REV3L: variants seen among roughly 807,000 people sequenced by gnomAD.
The protein encoded by REV3L is DNA polymerase zeta catalytic subunit.
A neutral mutation model predicts 299.4 loss-of-function variants in REV3L; 69 were observed. The ratio of observed to expected loss-of-function variants is 0.23; its 90% CI spans 0.19 to 0.28. REV3L has a LOEUF of 0.28. Among genes scored for constraint, REV3L ranks in the 10% least tolerant of loss-of-function variants. The pLI is 1.00. For synonymous variants in REV3L, 1,238 were observed against 1,271.4 expected, an observed-to-expected ratio of 0.97 and a Z score of 0.56; for missense variants, 3,128 against 3,693.8, an observed-to-expected ratio of 0.85 and a Z score of 3.97.
At chr6:111,403,840 G>A (rs1783339914) in intron 4 of REV3L, among the ~76,000 whole-genome samples, 1 of 152,192 alleles carries the variant, frequency 6.6e-6, no homozygotes, top group Admixed American at 6.5e-5. Flanking sequence ...TAGGTCTCTT[G>A]TGCCAGTTAG....
rs751707563 is a variant in REV3L, at chr6:111,343,472, G to C, written c.7538+453C>G. On this transcript the variant is annotated intron_variant, in intron 21 of 31. Transcript: ENST00000368802. ...TGAGATATGCTCCTTATCTTGATTG[G>C]AGTAATGAGTACAAGATAAATGCAT... Among the ~76,000 whole-genome samples the C allele has an allele frequency of 3.3e-5, 5 of 152,274 alleles. 1 individual carries two copies. The East Asian group carries it at 7.7e-4, about 23-fold the overall frequency.
chr6:111,438,723 G>GTTTA (rs1787889628), intron 1 of REV3L, among the ~76,000 whole-genome samples: 1 of 152,116 alleles, frequency 6.6e-6, no homozygotes, highest in Admixed American at 6.5e-5. Context: ...TTAGGACTAT[G>GTTTA]TTTAATTATT....
intron 26 of REV3L, among the ~76,000 whole-genome samples, 171 bp downstream of exon 26, chr6:111,322,398 T>C (rs1774283364): frequency 1.3e-5 from 2 of 152,166 alleles, no homozygotes; most frequent in Admixed American, 1.3e-4. Context: ...TCTCTTACGA[T>C]CCTATCTGGT....
chr6:111,431,203 G>A lies in REV3L; in HGVS notation c.140-14731C>T, dbSNP rs768032026. 9.8e-4 allele frequency: 1,535 copies of A among 1,565,688 alleles called. 3 individuals carry two copies. The highest frequency in any genetic ancestry group is 1.3e-3 in the Non-Finnish European group (1,427 of 1,138,424). ...CCAAGATTATCCATCTGTGATGGCA[G>A]ATAGTTTACTGGATGTTTTAACAAA... On this transcript the variant is annotated intron_variant, in intron 1 of 31. Coordinates refer to ENST00000368802, the MANE Select transcript of REV3L (RefSeq NM_001372078.1).
At position 111,374,618 on chromosome 6, in the gene REV3L, T is replaced by G; in HGVS notation, c.3737A>C (p.Gln1246Pro). The G allele has an allele frequency of 6.2e-7, 1 of 1,613,714 alleles. No homozygotes were observed. Among genetic ancestry groups the G allele is most frequent in the Non-Finnish European group, 8.5e-7 (1 of 1,179,870 alleles). The change falls in exon 13 of 32, where the codon CAG (glutamine) becomes CCG (proline). Residue 1246 changes from glutamine to proline, a missense_variant. Coordinates refer to ENST00000368802, the MANE Select transcript of REV3L (RefSeq NM_001372078.1). ...GAEVKFVLKH[Q>P]NVSEFASSSG... ...ACTACTTGCAAATTCAGACACATTC[T>G]GGTGTTTCAGTACAAACTTAACCTC...
intron 5 of REV3L, among the ~76,000 whole-genome samples, chr6:111,392,367 T>A (rs776840966): frequency 6.6e-6 from 1 of 152,122 alleles, no homozygotes; most frequent in East Asian, 1.9e-4. Context: ...TGCTTTGAAA[T>A]AGAGAAATCC....
intron 13 of REV3L, among the ~76,000 whole-genome samples, chr6:111,370,161 A>G (rs980492341): frequency 2.6e-5 from 4 of 152,204 alleles, no homozygotes; most frequent in African/African-American, 9.7e-5. Flanking sequence ...ATATTTTTCA[A>G]AAATGATTAT....
Position 111,482,910 on chromosome 6 carries a change from C to T in REV3L, c.-22G>A. ...ACATGTTCGCCGCCGCCGCCACTGCCTCCCTTCACTGGCGACCCGGCAGCG... is the reference window on the plus strand; with the variant it reads ...ACATGTTCGCCGCCGCCGCCACTGCTTCCCTTCACTGGCGACCCGGCAGCG... On this transcript the variant is annotated 5_prime_UTR_variant, in exon 1 of 32. Coordinates refer to ENST00000368802, the MANE Select transcript of REV3L (RefSeq NM_001372078.1). The T allele has an allele frequency of 6.6e-7, 1 of 1,507,378 alleles. No individual in the cohort carries two copies. Among genetic ancestry groups the T allele is most frequent in the Non-Finnish European group, 8.8e-7 (1 of 1,138,410 alleles). 93.4% of individuals were successfully genotyped at this position (1,507,378 alleles called of 1,614,324 possible).
chr6:111,302,624 G>C (rs916035972), intron 31 of REV3L, among the ~76,000 whole-genome samples: 2 of 152,156 alleles, frequency 1.3e-5, no homozygotes, highest in African/African-American at 4.8e-5. Context: ...TTTAGTCAAG[G>C]CTGGGCACAG....
At chr6:111,336,952 T>C (rs1237938071) in intron 21 of REV3L, among the ~76,000 whole-genome samples, 2 of 152,144 alleles carry the variant, frequency 1.3e-5, no homozygotes, top group African/African-American at 2.4e-5. Context: ...ATGTGAAATG[T>C]TGAGGACAGT....
At chr6:111,381,261 T>A in intron 10 of REV3L, 64 bp downstream of exon 10, 1 of 1,556,084 alleles carries the variant, frequency 6.4e-7, no homozygotes, top group Admixed American at 1.9e-5. Flanking sequence ...AAAAAATGCC[T>A]CTTCACAACA....
intron 1 of REV3L, among the ~76,000 whole-genome samples, chr6:111,459,007 G>A (rs1790460796): frequency 6.6e-6 from 1 of 151,986 alleles, no homozygotes; most frequent in Non-Finnish European, 1.5e-5. Context: ...AAACCTGGAG[G>A]CATCACATTA....
rs758667960 is a variant in REV3L at position 111,430,675 on chromosome 6, A to G, written c.140-14203T>C. 9.2e-6 allele frequency: 14 copies of G among 1,523,040 alleles called. 1 individual carries two copies. In the South Asian group the frequency reaches 1.0e-4, roughly 11 times the overall value. The allele number at this position is 1,523,040 out of a possible 1,614,324, so 94.3% of individuals were successfully genotyped here. ...GAGAGGACTCTGGAGATGCCAAAGC[A>G]CACGCCTTCAAGAGTCCCAGCAAAG... On this transcript the variant is annotated intron_variant, in intron 1 of 31. Transcript: ENST00000368802.
intron 25 of REV3L, among the ~76,000 whole-genome samples, chr6:111,324,124 C>T (rs745822608): frequency 6.6e-6 from 1 of 152,146 alleles, no homozygotes; most frequent in Non-Finnish European, 1.5e-5. Context: ...TTCAGTCTCC[C>T]GAATAGCTGG....
At chr6:111,386,412 A>G (rs1322751503) in intron 9 of REV3L, among the ~76,000 whole-genome samples, 1 of 152,234 alleles carries the variant, frequency 6.6e-6, no homozygotes, top group Non-Finnish European at 1.5e-5. Flanking sequence ...TATTTCACAC[A>G]CTAGGATGGC....
intron 1 of REV3L, among the ~76,000 whole-genome samples, chr6:111,465,745 C>CAAAAAAAAAAAAAAAAAAAAAA (rs376561912): frequency 3.9e-5 from 3 of 76,816 alleles, no homozygotes; most frequent in Non-Finnish European, 6.9e-5. Flanking sequence ...AAACAAAAAC[C>CAAAAAAAAAAAAAAAAAAAAAA]AAAAAAAAAA....
rs1787724114 is a variant in REV3L, at chr6:111,437,648, T to C, written c.140-21176A>G. On this transcript the variant is annotated intron_variant, in intron 1 of 31. Transcript: ENST00000368802. Reference sequence around the variant, plus strand: ...GAAATGTCCAAAATAGGCAAATTTATAGAGAAAGAAAGGAGATTAATGGTT... The same window carrying C: ...GAAATGTCCAAAATAGGCAAATTTACAGAGAAAGAAAGGAGATTAATGGTT... Among the ~76,000 whole-genome samples the C allele has an allele frequency of 2.6e-5, 4 of 152,186 alleles. No individual in the cohort carries two copies. The South Asian group carries it at 6.2e-4, about 24-fold the overall frequency.
chr6:111,446,821 A>G (rs1788915112), intron 1 of REV3L, among the ~76,000 whole-genome samples: 1 of 152,236 alleles, frequency 6.6e-6, no homozygotes, highest in Non-Finnish European at 1.5e-5. Flanking sequence ...AGAATCTAGT[A>G]TTTGATACTG....
chr6:111,373,620 A>G lies in REV3L; in HGVS notation c.4735T>C (p.Ser1579Pro), dbSNP rs1780014793. The G allele has an allele frequency of 2.5e-6, 4 of 1,613,928 alleles. No individual in the cohort carries two copies. Among genetic ancestry groups the G allele is most frequent in the Non-Finnish European group, 2.5e-6 (3 of 1,179,984 alleles). ...CTGGGAGTTCGAGGTTTTCTTGGGG[A>G]CGTTACCGATCGTGTCCGTTTATTT... ...KANKRTRSVTSPRKPRTPRST... is the reference protein window; with the variant it reads ...KANKRTRSVTPPRKPRTPRST... The change falls in exon 13 of 32, where the codon TCC (serine) becomes CCC (proline). Residue 1579 changes from serine (S) to proline (P), a missense_variant. Around this residue, in one of 9 missense-constraint regions of REV3L, gnomAD observed 2,409 missense variants for 2,611.8 expected, o/e 0.92. Coordinates refer to ENST00000368802, the MANE Select transcript of REV3L (RefSeq NM_001372078.1).
Sources: gnomAD v4.1 joint callset for allele counts (sites outside exome capture counted in the v4.1 genomes callset) on GRCh38, gnomAD v4.1.1 for gene constraint, gnomAD v4.1.1 regional missense constraint, MANE v1.5 for transcripts, NCBI Gene and HGNC (gene_info 2026-07-23, HGNC 2026-07-21) for gene names.